RYR2: variants seen among roughly 807,000 people sequenced by gnomAD.
RYR2 encodes cardiac muscle ryanodine receptor-calcium release channel.
A neutral mutation model predicts 601.1 loss-of-function variants in RYR2; 227 were observed. The ratio of observed to expected loss-of-function variants is 0.38; its 90% CI spans 0.34 to 0.42. The LOEUF (loss-of-function observed/expected upper bound fraction) is 0.42. Ranked by LOEUF, RYR2 falls within the 10% of genes least tolerant of loss-of-function variation. RYR2 has a pLI of 1.00. For missense variants in RYR2, 4,646 were observed against 6,156.5 expected (o/e 0.75, Z 8.21); for synonymous variants, 2,223 against 2,175.1 (o/e 1.02, Z -0.61).
intron 1 of RYR2, among the ~76,000 whole-genome samples, chr1:237,090,456 T>C (rs549216228): frequency 2.6e-4 from 39 of 152,178 alleles, no homozygotes; most frequent in African/African-American, 8.4e-4. Flanking sequence ...TCAGAGACAG[T>C]TGAAGGTGCC....
At chr1:237,657,877 AATT>A in intron 53 of RYR2, 64 bp from the exon 54 acceptor site, 1 of 859,898 alleles carries the variant, frequency 1.2e-6, no homozygotes, top group Non-Finnish European at 1.8e-6. Flanking sequence ...GCTGTGAGTA[AATT>A]ATTAATATGA....
chr1:237,707,048 G>C lies in RYR2; in HGVS notation c.9680G>C (p.Arg3227Pro). 6.2e-7 allele frequency: 1 copy of C among 1,613,814 alleles called. No homozygotes were observed. ...GTGGAATTAGCCGAGTCCGGCATTC[G>C]CTACACTCAAATGCCACATGTCATG... ...EIVELAESGI[R>P]YTQMPHVMEV... The change falls in exon 68 of 105, where the codon CGC becomes CCC. Residue 3227 changes from arginine to proline, a missense_variant. Around this residue, in one of 17 missense-constraint regions of RYR2, gnomAD observed 1,497 missense variants for 1,842.6 expected, o/e 0.81. Transcript: ENST00000366574.
intron 63 of RYR2, among the ~76,000 whole-genome samples, chr1:237,692,064 G>T (rs1387002954): frequency 6.6e-6 from 1 of 152,170 alleles, no homozygotes; most frequent in Non-Finnish European, 1.5e-5. Context: ...TTTAGAGGAA[G>T]CAGCATCTGA....
intron 1 of RYR2, among the ~76,000 whole-genome samples, chr1:237,204,156 G>A (rs1191037791): frequency 6.6e-6 from 1 of 152,148 alleles, no homozygotes; most frequent in Non-Finnish European, 1.5e-5. Context: ...GACTACAGAT[G>A]TGTGCCACCA....
At chr1:237,339,278 T>G (rs1697531021) in intron 3 of RYR2, among the ~76,000 whole-genome samples, 1 of 152,166 alleles carries the variant, frequency 6.6e-6, no homozygotes, top group South Asian at 2.1e-4. Context: ...GCTTGGAATA[T>G]GATAAGAACT....
At position 237,785,995 on chromosome 1, in the gene RYR2, GGAAGAAAAA is replaced by G; in HGVS notation, c.13295_13303del (p.Lys4432_Glu4434del). The G allele has an allele frequency of 6.3e-7, 1 of 1,592,466 alleles. No homozygotes were observed. The highest frequency in any genetic ancestry group is 8.6e-7 in the Non-Finnish European group (1 of 1,168,224). ...AACAGAAGGCAAAAGAAGAAGAAAA[GGAAGAAAAA>G]GAAGAAACCAAATCTGAACCTGAAA... On this transcript the variant is annotated inframe_deletion, in exon 91 of 105. Coordinates refer to ENST00000366574, the MANE Select transcript of RYR2 (RefSeq NM_001035.3).
At chr1:237,333,600 T>TAAGGATGTGCAC (rs1198266135) in intron 3 of RYR2, 3 of 456,008 alleles carry the variant, frequency 6.6e-6, no homozygotes, top group Non-Finnish European at 1.3e-5. Flanking sequence ...ATTTTATTCA[T>TAAGGATGTGCAC]AAGGATGTGC....
intron 61 of RYR2, 106 bp from the exon 62 acceptor site, chr1:237,680,350 G>T: frequency 1.2e-6 from 1 of 830,452 alleles, no homozygotes. Context: ...GACATAAGGA[G>T]ACCTGTTGCA....
chr1:237,826,640 T>TA (rs1156559823), intron 101 of RYR2, among the ~76,000 whole-genome samples: 2 of 139,580 alleles, frequency 1.4e-5, no homozygotes, highest in Non-Finnish European at 1.6e-5. Flanking sequence ...ACTTAAAGTA[T>TA]AATAAAAAAA....
At chr1:237,611,770 T>C (rs1304156937) in intron 36 of RYR2, among the ~76,000 whole-genome samples, 1 of 152,210 alleles carries the variant, frequency 6.6e-6, no homozygotes, top group Admixed American at 6.5e-5. Context: ...AAAATAATTA[T>C]TGAAGCCAGG....
intron 11 of RYR2, among the ~76,000 whole-genome samples, chr1:237,422,338 A>G (rs1053828072): frequency 4.6e-5 from 7 of 152,196 alleles, no homozygotes; most frequent in Admixed American, 1.3e-4. Flanking sequence ...CATATCCATC[A>G]TCTCAAACGT....
chr1:237,272,085 G>T (rs532495311), intron 2 of RYR2, among the ~76,000 whole-genome samples: 1 of 152,012 alleles, frequency 6.6e-6, no homozygotes, highest in Admixed American at 6.5e-5. Flanking sequence ...AGCCAAGATC[G>T]CACCACTGCA....
chr1:237,361,568 C>G (rs1254749567), intron 4 of RYR2, among the ~76,000 whole-genome samples: 1 of 152,116 alleles, frequency 6.6e-6, no homozygotes, highest in Admixed American at 6.6e-5. Flanking sequence ...TAATGGCAAG[C>G]CTCCAAATGT....
intron 2 of RYR2, among the ~76,000 whole-genome samples, chr1:237,312,758 A>G (rs58913393): frequency 0.087 from 13,256 of 152,258 alleles, 1,172 homozygotes; most frequent in African/African-American, 0.23. Flanking sequence ...GTGAAATGTC[A>G]TGTGGTTAGT....
At chr1:237,086,128 T>C (rs1666303204) in intron 1 of RYR2, among the ~76,000 whole-genome samples, 1 of 152,244 alleles carries the variant, frequency 6.6e-6, no homozygotes, top group Admixed American at 6.5e-5. Context: ...CATAACAAAG[T>C]ACCACAGACT....
intron 67 of RYR2, among the ~76,000 whole-genome samples, chr1:237,706,697 T>C (rs575685319): frequency 1.3e-5 from 2 of 152,078 alleles, no homozygotes; most frequent in South Asian, 4.2e-4. Flanking sequence ...GAGGAGGAAA[T>C]ATTTGATACT....
intron 3 of RYR2, among the ~76,000 whole-genome samples, chr1:237,352,034 TA>T (rs752407008): frequency 5.3e-5 from 8 of 151,692 alleles, no homozygotes; most frequent in East Asian, 1.9e-4. Context: ...CTTATTAAGA[TA>T]AAAAAATATT....
At chr1:237,398,936 G>A (rs1703094690) in intron 10 of RYR2, among the ~76,000 whole-genome samples, 1 of 152,222 alleles carries the variant, frequency 6.6e-6, no homozygotes, top group Non-Finnish European at 1.5e-5. Context: ...GTTCACACCT[G>A]TAATCCCAGC....
chr1:237,586,396 T>A (rs1256209760), intron 29 of RYR2, among the ~76,000 whole-genome samples: 1 of 152,228 alleles, frequency 6.6e-6, no homozygotes, highest in Non-Finnish European at 1.5e-5. Flanking sequence ...GCATTCGTGC[T>A]AAGCATTATA....
Sources: gnomAD v4.1 joint callset for allele counts (sites outside exome capture counted in the v4.1 genomes callset) on GRCh38, gnomAD v4.1.1 for gene constraint, gnomAD v4.1.1 regional missense constraint, MANE v1.5 for transcripts, NCBI Gene and HGNC (gene_info 2026-07-23, HGNC 2026-07-21) for gene names.